The following PCSK4 variants were observed in gnomAD, a reference collection of about 807,000 sequenced individuals.
PCSK4 encodes proprotein convertase subtilisin/kexin type 4.
In PCSK4, 64 loss-of-function variants were observed where a neutral mutation model predicts 80.3. The observed-to-expected ratio is 0.80, with a 90% CI of 0.65 to 0.98. PCSK4 has a LOEUF of 0.98. Among genes scored for constraint, PCSK4 ranks in the 50% least tolerant of loss-of-function variants. PCSK4 has a pLI of 0.00. For synonymous variants in PCSK4, 561 were observed against 487.6 expected (o/e 1.15, Z -1.98); for missense variants, 1,213 against 1,093.6 (o/e 1.11, Z -1.54).
At chr19:1,486,453 C>T (rs1451572910) in intron 8 of PCSK4, among the ~76,000 whole-genome samples, 10 of 152,018 alleles carry the variant, frequency 6.6e-5, no homozygotes, top group Non-Finnish European at 8.8e-5. Flanking sequence ...CCCACCACCA[C>T]GCCCGGCTAA....
chr19:1,482,309 C>T (rs975424463), intron 14 of PCSK4, 44 bp downstream of exon 14: 32 of 1,533,084 alleles, frequency 2.1e-5, no homozygotes, highest in Admixed American at 1.2e-4. Flanking sequence ...CCACGGTGGC[C>T]GCCACCGCCT....
chr19:1,488,017 A>G lies in PCSK4; in HGVS notation c.463T>C (p.Ser155Pro), dbSNP rs750786224. 8.7e-6 allele frequency: 14 copies of G among 1,613,426 alleles called. No individual in the cohort carries two copies. The Admixed American group carries it at 2.3e-4, about 27-fold the overall frequency. ...TTCTCGATGCCATCGTCCAGCACAG[A>G]GACCACGATGCCCTGGCCTGACAGC... The change falls in exon 4 of 15, where the codon TCT (serine) becomes CCT (proline). Residue 155 changes from serine (S) to proline (P), a missense_variant. Transcript: ENST00000300954.
At chr19:1,488,028 C>T (rs1200662037) in exon 4 of PCSK4, 1 of 1,613,470 alleles carries the variant, frequency 6.2e-7, no homozygotes, top group East Asian at 2.2e-5. Context: ...GACCACGATG[C>T]CCTGGCCTGA....
At chr19:1,490,626 C>T (rs924980193), upstream of PCSK4, 3 of 413,762 alleles carry the variant, frequency 7.3e-6, no homozygotes, top group East Asian at 1.1e-4. Flanking sequence ...TTCACTGTTG[C>T]GATAACGCGT....
At position 1,482,482 on chromosome 19, in the gene PCSK4, A is replaced by C; in HGVS notation, c.1697-7T>G. 1 of 1,598,056 alleles carries C rather than the reference A, an allele frequency of 6.3e-7. No homozygotes were observed. Among genetic ancestry groups the C allele is most frequent in the Non-Finnish European group, 8.5e-7 (1 of 1,175,660 alleles). On this transcript the variant is annotated splice_polypyrimidine_tract_variant and splice_region_variant and intron_variant, in intron 13 of 14. Transcript: ENST00000300954. ...GTGTAGCGGTACAACGTCCCTGGAC[A>C]GGGGTCGCGGGTGGGCACAGGAGGA...
Position 1,489,901 on chromosome 19 carries a change from G to T in PCSK4, c.190-4C>A. On this transcript the variant is annotated splice_polypyrimidine_tract_variant and splice_region_variant and intron_variant, in intron 1 of 14. Coordinates refer to ENST00000300954, the Ensembl canonical transcript of PCSK4. Reference sequence around the variant, plus strand: ...AGTACTGCCCGTCAGGGAAGATCTGGGGATGTGGGGAAGCGGCCGCACCGA... The same window carrying T: ...AGTACTGCCCGTCAGGGAAGATCTGTGGATGTGGGGAAGCGGCCGCACCGA... 1.2e-6 allele frequency: 2 copies of T among 1,603,242 alleles called. No homozygotes were observed. The highest frequency in any genetic ancestry group is 4.5e-5 in the East Asian group (2 of 44,248).
intron 2 of PCSK4, chr19:1,489,569 G>A (rs1297104426): frequency 4.2e-6 from 3 of 706,664 alleles, no homozygotes; most frequent in Non-Finnish European, 6.7e-6. Context: ...GGGAGGGGGA[G>A]GACAAGAGGT....
rs760297976 is a variant in PCSK4 at position 1,489,916 on chromosome 19, G to A, written c.190-19C>T. On this transcript the variant is annotated intron_variant, in intron 1 of 14. Coordinates refer to ENST00000300954, the Ensembl canonical transcript of PCSK4. Reference sequence around the variant, plus strand: ...GGAAGATCTGGGGATGTGGGGAAGCGGCCGCACCGATGGGACCCGGCTCCC... The same window carrying A: ...GGAAGATCTGGGGATGTGGGGAAGCAGCCGCACCGATGGGACCCGGCTCCC... 21 of 1,589,718 alleles carry A rather than the reference G, an allele frequency of 1.3e-5. No individual in the cohort carries two copies. Among genetic ancestry groups the A allele is most frequent in the Middle Eastern group, 1.9e-4 (1 of 5,296 alleles).
At chr19:1,485,961 TTTTTGTTTTGTTTTG>T (rs75510508) in intron 8 of PCSK4, among the ~76,000 whole-genome samples, 3 of 150,560 alleles carry the variant, frequency 2.0e-5, no homozygotes. Flanking sequence ...GCTGGATTTG[TTTTTGTTTTGTTTTG>T]TTTTGTTTTG....
chr19:1,483,025 G>T lies in PCSK4; in HGVS notation c.1572-5C>A. The T allele has an allele frequency of 2.0e-6, 1 of 488,040 alleles. No individual in the cohort carries two copies. The highest frequency in any genetic ancestry group is 3.9e-6 in the Non-Finnish European group (1 of 258,440). 30.2% of individuals were successfully genotyped at this position (488,040 alleles called of 1,614,324 possible). On this transcript the variant is annotated splice_polypyrimidine_tract_variant and splice_region_variant and intron_variant, in intron 12 of 14. Coordinates refer to ENST00000300954, the Ensembl canonical transcript of PCSK4. ...TCAGTGCTGACGTCCAAGGGTCTGG[G>T]ACAGAAGGGTGGGTGGGGGTGGGGG...
At chr19:1,488,423 T>C (rs980085427) in intron 2 of PCSK4, 143 bp from the exon 3 acceptor site, 5 of 643,004 alleles carry the variant, frequency 7.8e-6, no homozygotes, top group East Asian at 2.7e-5. Flanking sequence ...TGGGGCTCTG[T>C]CTGCAGTCGG....
chr19:1,487,996 C>T (rs376140180), exon 4 of PCSK4: 15 of 1,613,164 alleles, frequency 9.3e-6, no homozygotes, highest in East Asian at 4.5e-5. Context: ...TGGTCCTTCT[C>T]GATGCCATCG....
At chr19:1,483,188 A>G (rs1018493411) in intron 12 of PCSK4, 96 bp downstream of exon 12, 14 of 1,332,652 alleles carry the variant, frequency 1.1e-5, no homozygotes, top group African/African-American at 1.5e-5. Flanking sequence ...TGTGACTCCT[A>G]TGGGCCTGGC....
Position 1,486,892 on chromosome 19 carries a change from G to A in PCSK4, c.1029C>T (p.Thr343=), listed in dbSNP as rs755769354. 5 of 1,600,590 alleles carry A rather than the reference G, an allele frequency of 3.1e-6. No homozygotes were observed. In the African/African-American group the frequency reaches 5.3e-5, roughly 17 times the overall value. Residue 343 remains threonine (T), a synonymous_variant, in exon 8 of 15, where the codon ACC becomes ACT. Coordinates refer to ENST00000300954, the Ensembl canonical transcript of PCSK4. The stretch of plus-strand genomic sequence containing the variant: ...TGGCCACGCCGCTGCTGTAGGTGGT[G>A]GTGAGGGTGGAGGCGCAGGCTTCGC...
intron 13 of PCSK4, 104 bp from the exon 14 acceptor site, chr19:1,482,579 T>C: frequency 7.1e-7 from 1 of 1,403,524 alleles, no homozygotes; most frequent in South Asian, 1.3e-5. Context: ...CGCGGGGCCC[T>C]GGACTGGTTC....
chr19:1,483,050 G>T (rs189968113), intron 12 of PCSK4, 30 bp from the exon 13 acceptor site: 3 of 1,487,068 alleles, frequency 2.0e-6, no homozygotes, highest in Admixed American at 2.3e-5. Flanking sequence ...GGGGGTGGGG[G>T]TGTCAAGAGG....
chr19:1,488,929 C>G (rs2084788624), intron 2 of PCSK4, among the ~76,000 whole-genome samples: 1 of 152,164 alleles, frequency 6.6e-6, no homozygotes, highest in Non-Finnish European at 1.5e-5. Context: ...TGCTCTCCCT[C>G]CCGGTGCTGT....
upstream of PCSK4, chr19:1,490,611 G>T: frequency 2.3e-6 from 1 of 429,010 alleles, no homozygotes; most frequent in Non-Finnish European, 4.1e-6. Flanking sequence ...ACCCAGAGAA[G>T]CGGGTTCACT....
At chr19:1,482,152 C>T (rs541878756) in exon 15 of PCSK4, 16 of 1,559,570 alleles carry the variant, frequency 1.0e-5, no homozygotes, top group East Asian at 2.4e-5. Flanking sequence ...TGAAGAACCG[C>T]GGGGGGCAGT....
Sources: allele counts gnomAD v4.1 joint callset (sites outside exome capture counted in the v4.1 genomes callset), GRCh38; gene constraint gnomAD v4.1.1; transcripts MANE v1.5; gene names NCBI Gene and HGNC (gene_info 2026-07-23, HGNC 2026-07-21).